SLC22A3: variants seen among roughly 807,000 people sequenced by gnomAD.
SLC22A3 encodes EMT organic cation transporter 3.
Under a neutral mutation model 59.1 loss-of-function variants are expected in SLC22A3, and 51 were observed. That is an observed-to-expected ratio of 0.86 (90% confidence interval 0.69 to 1.09). The LOEUF is 1.09. SLC22A3 is among the 50% of genes least tolerant of loss of function. The pLI, the probability that SLC22A3 is intolerant of heterozygous loss-of-function variation, is 0.00. For synonymous variants in SLC22A3, 325 were observed against 292.0 expected (o/e 1.11, Z -1.15); for missense variants, 711 against 726.3 (o/e 0.98, Z 0.24).
intron 10 of SLC22A3, among the ~76,000 whole-genome samples, chr6:160,450,125 G>A (rs1467971964): frequency 6.6e-6 from 1 of 152,166 alleles, no homozygotes; most frequent in East Asian, 1.9e-4. Flanking sequence ...ACCAGGGCGG[G>A]GTTTCCCAAT....
intron 5 of SLC22A3, among the ~76,000 whole-genome samples, chr6:160,425,353 C>A (rs1247064008): frequency 1.3e-5 from 2 of 152,082 alleles, no homozygotes; most frequent in Admixed American, 1.3e-4. Flanking sequence ...AGTCATTTAT[C>A]TTCATTTGTT....
In SLC22A3 at chr6:160,451,002, T is replaced by C; in HGVS notation, c.1617T>C (p.His539=). 6.3e-7 allele frequency: 1 copy of C among 1,591,830 alleles called. No individual in the cohort carries two copies. Among genetic ancestry groups the C allele is most frequent in the Non-Finnish European group, 8.6e-7 (1 of 1,166,780 alleles). The change falls in exon 11 of 11, where the codon CAT becomes CAC. Residue 539 remains histidine, a synonymous_variant. Coordinates refer to ENST00000275300, the MANE Select transcript of SLC22A3 (RefSeq NM_021977.4). Reference sequence around the variant, plus strand: ...TTCTCCTTTGTTTTTTCAGTCCACATTCCTGTAAATGTGGCAGGAATAAGA... The same window carrying C: ...TTCTCCTTTGTTTTTTCAGTCCACACTCCTGTAAATGTGGCAGGAATAAGA... ...VDDVEKLGSP[H]SCKCGRNKKT... is the part of the protein sequence containing the mutation.
At chr6:160,424,378 A>G (rs1787872868) in intron 5 of SLC22A3, among the ~76,000 whole-genome samples, 1 of 152,238 alleles carries the variant, frequency 6.6e-6, no homozygotes, top group Admixed American at 6.5e-5. Context: ...GTGGTCTCAA[A>G]GAACAGAAGT....
intron 5 of SLC22A3, among the ~76,000 whole-genome samples, chr6:160,435,059 T>C (rs957971180): frequency 1.3e-5 from 2 of 152,180 alleles, no homozygotes; most frequent in African/African-American, 4.8e-5. Context: ...CTAGAACTTA[T>C]ACACATGACC....
intron 1 of SLC22A3, among the ~76,000 whole-genome samples, chr6:160,386,821 G>A (rs901691920): frequency 1.5e-4 from 23 of 152,244 alleles, no homozygotes; most frequent in African/African-American, 5.5e-4. Context: ...TTATGGGACT[G>A]GAATCTGTGG....
chr6:160,442,035 C>T lies in SLC22A3; in HGVS notation c.1289-726C>T, dbSNP rs970656227. ...AATATAGAATGTTTGGCATTTCCCA[C>T]TAGTTAGTAGGGAGGAAAGGAAAAT... On this transcript the variant is annotated intron_variant, in intron 7 of 10. Transcript: ENST00000275300. 5.3e-5 allele frequency among the ~76,000 whole-genome samples: 8 copies of T among 152,128 alleles called. No homozygotes were observed. In the East Asian group the frequency reaches 7.7e-4, roughly 15 times the overall value.
chr6:160,369,726 T>C (rs1265176117), intron 1 of SLC22A3, among the ~76,000 whole-genome samples: 2 of 152,232 alleles, frequency 1.3e-5, no homozygotes, highest in African/African-American at 4.8e-5. Flanking sequence ...TGCAGAGAAA[T>C]AAGCCATTAT....
intron 1 of SLC22A3, among the ~76,000 whole-genome samples, chr6:160,392,297 C>A (rs569909281): frequency 1.3e-5 from 2 of 152,336 alleles, no homozygotes; most frequent in African/African-American, 4.8e-5. Flanking sequence ...AAATCCAGCT[C>A]ATTGTGGGAC....
chr6:160,417,122 G>T (rs1382692992), intron 5 of SLC22A3, among the ~76,000 whole-genome samples: 1 of 152,204 alleles, frequency 6.6e-6, no homozygotes, highest in Admixed American at 6.5e-5. Flanking sequence ...TCTCTCTGTA[G>T]GCAATATACT....
Position 160,437,141 on chromosome 6 carries a change from A to T in SLC22A3, c.1218A>T (p.Arg406=). ...LILLTIERLG[R]RLPFAASNIV... ...TACTAACCATTGAGCGCCTTGGACG[A>T]CGCCTCCCCTTTGCGGCAAGCAATA... is the stretch of plus-strand genomic sequence containing the variant. Residue 406 remains arginine, a synonymous_variant, in exon 7 of 11, where the codon CGA becomes CGT. Coordinates refer to ENST00000275300, the MANE Select transcript of SLC22A3 (RefSeq NM_021977.4). 6 of 1,614,128 alleles carry T rather than the reference A, an allele frequency of 3.7e-6. No individual in the cohort carries two copies. The highest frequency in any genetic ancestry group is 4.2e-6 in the Non-Finnish European group (5 of 1,179,992).
chr6:160,383,864 A>G (rs1785892329), intron 1 of SLC22A3, among the ~76,000 whole-genome samples: 2 of 152,230 alleles, frequency 1.3e-5, no homozygotes, highest in Admixed American at 1.3e-4. Context: ...TGTATTAGGT[A>G]TTGTAAATAA....
At chr6:160,361,855 A>T (rs1453205521) in intron 1 of SLC22A3, among the ~76,000 whole-genome samples, 3 of 152,186 alleles carry the variant, frequency 2.0e-5, no homozygotes, top group Admixed American at 2.0e-4. Flanking sequence ...ATGAGAAGAA[A>T]CTTCTCCAAA....
At chr6:160,448,443 A>T (rs1788828649) in intron 10 of SLC22A3, among the ~76,000 whole-genome samples, 2 of 152,122 alleles carry the variant, frequency 1.3e-5, no homozygotes, top group African/African-American at 4.8e-5. Context: ...TAAATAATAG[A>T]TGATAGATGA....
chr6:160,445,174 A>C (rs1213449677), intron 9 of SLC22A3, among the ~76,000 whole-genome samples: 3 of 152,216 alleles, frequency 2.0e-5, no homozygotes, highest in Non-Finnish European at 4.4e-5. Flanking sequence ...TCCTATGAGA[A>C]TAGGTCACAG....
In SLC22A3 at chr6:160,441,377, T is replaced by C. The variant is rs540357495; in HGVS notation, c.1289-1384T>C. 7.9e-5 allele frequency among the ~76,000 whole-genome samples: 12 copies of C among 152,276 alleles called. No homozygotes were observed. The South Asian group carries it at 1.9e-3, about 24-fold the overall frequency. ...AAACCTTCTGCTCCAGAGCAGACAGTGGCCCAGCACATCAGCACAACCCTG... is the reference window on the plus strand; with the variant it reads ...AAACCTTCTGCTCCAGAGCAGACAGCGGCCCAGCACATCAGCACAACCCTG... On this transcript the variant is annotated intron_variant, in intron 7 of 10. Transcript: ENST00000275300.
At chr6:160,413,546 A>G (rs982169131) in intron 5 of SLC22A3, among the ~76,000 whole-genome samples, 1 of 152,218 alleles carries the variant, frequency 6.6e-6, no homozygotes, top group Non-Finnish European at 1.5e-5. Context: ...ATAGCATTTC[A>G]TCTTGTAATA....
At chr6:160,354,621 T>C (rs1784768653) in intron 1 of SLC22A3, among the ~76,000 whole-genome samples, 2 of 152,172 alleles carry the variant, frequency 1.3e-5, no homozygotes, top group African/African-American at 4.8e-5. Flanking sequence ...GGCAGCATTT[T>C]GAGACTCCAA....
intron 1 of SLC22A3, among the ~76,000 whole-genome samples, chr6:160,377,967 G>A (rs912956101): frequency 6.6e-6 from 1 of 152,152 alleles, no homozygotes; most frequent in African/African-American, 2.4e-5. Flanking sequence ...TTCATTGTAT[G>A]TTTTTCTCCT....
chr6:160,436,805 G>C lies in SLC22A3; in HGVS notation c.1001G>C (p.Ser334Thr). 1 of 1,611,992 alleles carries C rather than the reference G, an allele frequency of 6.2e-7. No individual in the cohort carries two copies. Among genetic ancestry groups the C allele is most frequent in the Non-Finnish European group, 8.5e-7 (1 of 1,178,342 alleles). Residue 334 changes from serine to threonine, a missense_variant, in exon 6 of 11, where the codon AGT becomes ACT. Ser to Thr is a moderately conservative substitution (Grantham distance 58, BLOSUM62 1). Coordinates refer to ENST00000275300, the MANE Select transcript of SLC22A3 (RefSeq NM_021977.4). ...ATCACTGTTACAGATGAGGAAGTTAGTAATCCATCCTTTTTAGATCTGGTG... is the reference window on the plus strand; with the variant it reads ...ATCACTGTTACAGATGAGGAAGTTACTAATCCATCCTTTTTAGATCTGGTG... The part of the protein sequence containing the change: ...SEITVTDEEV[S>T]NPSFLDLVRT...
Sources: allele counts gnomAD v4.1 joint callset (sites outside exome capture counted in the v4.1 genomes callset), GRCh38; gene constraint gnomAD v4.1.1; transcripts MANE v1.5; gene names NCBI Gene and HGNC (gene_info 2026-07-23, HGNC 2026-07-21).